GRIN2B: variants seen among roughly 807,000 people sequenced by gnomAD.
GRIN2B encodes the protein glutamate receptor ionotropic, NMDA 2B.
Under a neutral mutation model 114.5 loss-of-function variants are expected in GRIN2B, and 5 were observed. That is an observed-to-expected ratio of 0.04 (90% confidence interval 0.02 to 0.09). The LOEUF is 0.09. Among genes scored for constraint, GRIN2B ranks in the 10% least tolerant of loss-of-function variants. GRIN2B has a pLI of 1.00. For missense variants in GRIN2B, 1,108 were observed against 1,943.5 expected (o/e 0.57, Z 8.08); for synonymous variants, 787 against 745.1 (o/e 1.06, Z -0.92).
intron 10 of GRIN2B, among the ~76,000 whole-genome samples, chr12:13,578,909 C>T (rs547008280): frequency 2.0e-5 from 3 of 152,124 alleles, no homozygotes; most frequent in African/African-American, 7.2e-5. Context: ...GTATCAGGCT[C>T]AGGAAACAGC....
At chr12:13,970,686 A>AACACAC (rs5796570) in intron 2 of GRIN2B, among the ~76,000 whole-genome samples, 7,029 of 145,056 alleles carry the variant, frequency 0.048, 340 homozygotes, top group African/African-American at 0.13. Flanking sequence ...GCAGGCTCTA[A>AACACAC]ACACACACAC....
intron 4 of GRIN2B, among the ~76,000 whole-genome samples, chr12:13,685,411 T>C (rs1346157018): frequency 6.6e-6 from 1 of 152,224 alleles, no homozygotes; most frequent in Non-Finnish European, 1.5e-5. Context: ...TTGTCACTCA[T>C]GGAAAAAGAA....
chr12:13,838,886 C>T (rs772889736), intron 3 of GRIN2B, among the ~76,000 whole-genome samples: 17 of 152,208 alleles, frequency 1.1e-4, no homozygotes, highest in Non-Finnish European at 2.5e-4. Context: ...TCCCCTCTTA[C>T]GTATTATTCC....
intron 3 of GRIN2B, among the ~76,000 whole-genome samples, chr12:13,765,821 G>A (rs995279885): frequency 5.9e-5 from 9 of 152,158 alleles, no homozygotes; most frequent in Admixed American, 4.6e-4. Flanking sequence ...GAGAACCTGT[G>A]TAGATCTGGC....
At chr12:13,832,617 T>C (rs1865171359) in intron 3 of GRIN2B, among the ~76,000 whole-genome samples, 2 of 152,208 alleles carry the variant, frequency 1.3e-5, no homozygotes, top group Admixed American at 1.3e-4. Flanking sequence ...AAATGACATT[T>C]TCCTATTTCA....
intron 10 of GRIN2B, 116 bp downstream of exon 10, chr12:13,608,487 A>C (rs1244431813): frequency 1.5e-5 from 11 of 747,870 alleles, no homozygotes; most frequent in Non-Finnish European, 1.4e-5. Context: ...ACAAGAAAAC[A>C]TAAGAAAGAA....
intron 9 of GRIN2B, among the ~76,000 whole-genome samples, chr12:13,609,555 C>T (rs1207372906): frequency 2.0e-5 from 3 of 152,074 alleles, no homozygotes; most frequent in Non-Finnish European, 2.9e-5. Context: ...GGGCGGATCA[C>T]GAGGTCAGGA....
At chr12:13,857,073 G>T (rs1865673647) in intron 3 of GRIN2B, among the ~76,000 whole-genome samples, 1 of 152,188 alleles carries the variant, frequency 6.6e-6, no homozygotes, top group African/African-American at 2.4e-5. Flanking sequence ...AACTTGAAAA[G>T]TCCATTGGAT....
At position 13,563,191 on chromosome 12, in the gene GRIN2B, A is replaced by C; in HGVS notation, c.4047T>G (p.Phe1349Leu). ...TGGGCACTGAGGACTTGTTGTTGGC[A>C]AAGGTGCTCTCGCCAGCTGACATCT... ...MFEMSAGESTFANNKSSVPTA... is the reference protein window; with the variant it reads ...MFEMSAGESTLANNKSSVPTA... The change falls in exon 14 of 14, where the codon TTT becomes TTG. Residue 1349 changes from phenylalanine (F) to leucine (L), a missense_variant. By Grantham distance (22) the Phe-to-Leu change is conservative (BLOSUM62 0). This residue lies in a region of GRIN2B where 478 missense variants were observed against 506.0 expected (regional missense o/e 0.94). Transcript: ENST00000609686. The C allele has an allele frequency of 6.2e-7, 1 of 1,614,192 alleles. No homozygotes were observed. Among genetic ancestry groups the C allele is most frequent in the Non-Finnish European group, 8.5e-7 (1 of 1,180,034 alleles).
intron 2 of GRIN2B, among the ~76,000 whole-genome samples, chr12:13,961,337 G>C (rs1316616262): frequency 1.3e-5 from 2 of 152,052 alleles, no homozygotes; most frequent in Non-Finnish European, 2.9e-5. Context: ...CACAAGGAGA[G>C]AGGATCCAGA....
At chr12:13,915,006 A>C (rs1174199861) in intron 2 of GRIN2B, among the ~76,000 whole-genome samples, 1 of 152,222 alleles carries the variant, frequency 6.6e-6, no homozygotes, top group Non-Finnish European at 1.5e-5. Context: ...GGGTTTCCAC[A>C]GTTAGCAATA....
intron 10 of GRIN2B, among the ~76,000 whole-genome samples, chr12:13,593,385 A>C (rs1339612912): frequency 1.3e-5 from 2 of 152,166 alleles, no homozygotes; most frequent in African/African-American, 4.8e-5. Context: ...CTCAGAAATA[A>C]CACCACACAT....
chr12:13,831,295 T>A (rs1302024062), intron 3 of GRIN2B, among the ~76,000 whole-genome samples: 1 of 152,218 alleles, frequency 6.6e-6, no homozygotes, highest in South Asian at 2.1e-4. Flanking sequence ...TATAGCAACA[T>A]AAATGAACTA....
At chr12:13,671,847 T>C (rs1950024336) in intron 5 of GRIN2B, among the ~76,000 whole-genome samples, 1 of 152,124 alleles carries the variant, frequency 6.6e-6, no homozygotes, top group South Asian at 2.1e-4. Flanking sequence ...GTGAGCAAGG[T>C]CCTTGCCCCC....
chr12:13,591,592 A>C (rs1949009743), intron 10 of GRIN2B, among the ~76,000 whole-genome samples: 1 of 152,182 alleles, frequency 6.6e-6, no homozygotes, highest in South Asian at 2.1e-4. Context: ...TCTACCTAAA[A>C]GTGGGAGATG....
chr12:13,798,291 T>C (rs999415288), intron 3 of GRIN2B, among the ~76,000 whole-genome samples: 2 of 134,696 alleles, frequency 1.5e-5, no homozygotes, highest in Admixed American at 7.3e-5. Context: ...CATTCATTCA[T>C]TTACTAAAAA....
chr12:13,683,293 CA>C (rs1950148202), intron 4 of GRIN2B, among the ~76,000 whole-genome samples: 1 of 152,086 alleles, frequency 6.6e-6, no homozygotes, highest in African/African-American at 2.4e-5. Context: ...GGAAAGAATA[CA>C]GTGTATATAA....
At chr12:13,581,198 C>A (rs1163926889) in intron 10 of GRIN2B, among the ~76,000 whole-genome samples, 1 of 152,116 alleles carries the variant, frequency 6.6e-6, no homozygotes, top group Non-Finnish European at 1.5e-5. Flanking sequence ...GAGTCATATG[C>A]CCCATGCTCC....
intron 2 of GRIN2B, among the ~76,000 whole-genome samples, chr12:13,943,042 C>A (rs966541854): frequency 1.3e-5 from 2 of 152,052 alleles, no homozygotes; most frequent in African/African-American, 4.8e-5. Context: ...GGGGGTGGAG[C>A]AAGGGATGCC....
Sources: allele counts gnomAD v4.1 joint callset (sites outside exome capture counted in the v4.1 genomes callset), GRCh38; gene constraint gnomAD v4.1.1; regional missense constraint gnomAD v4.1.1; transcripts MANE v1.5; gene names NCBI Gene and HGNC (gene_info 2026-07-23, HGNC 2026-07-21).